Variants in ANO1 observed in about 807,000 individuals in gnomAD.
ANO1 encodes the protein anoctamin-1.
Under a neutral mutation model 124.0 loss-of-function variants are expected in ANO1, and 59 were observed. The ratio of observed to expected loss-of-function variants is 0.48; its 90% CI spans 0.39 to 0.59. The LOEUF (loss-of-function observed/expected upper bound fraction) is 0.59, where lower values mean the gene tolerates loss of function less well. Ranked by LOEUF, ANO1 falls within the 20% of genes least tolerant of loss-of-function variation. The pLI, the probability that ANO1 is intolerant of heterozygous loss-of-function variation, is 0.00. For missense variants in ANO1, 1,059 were observed against 1,328.0 expected, an observed-to-expected ratio of 0.80 and a Z score of 3.15; for synonymous variants, 529 against 532.0, an observed-to-expected ratio of 0.99 and a Z score of 0.08.
chr11:69,970,189 T>C, the ANO1 span, among the ~76,000 whole-genome samples: 1 of 152,030 alleles, frequency 6.6e-6, no homozygotes, highest in Non-Finnish European at 1.5e-5. Context: ...TGGGGGAAGT[T>C]CTTTCTCCCG....
At position 70,132,054 on chromosome 11, in the gene ANO1, C is replaced by A. The variant is rs368395054; in HGVS notation, c.1233C>A (p.Phe411Leu). ...TCTTCGACAACCCCGCCACGGTCTT[C>A]TTCTCTGTCTTCATGGCCCTCTGGG... ...SHLFDNPATV[F>L]FSVFMALWAA... is the part of the protein sequence containing the mutation. The change falls in exon 11 of 26, where the codon TTC becomes TTA. Residue 411 changes from phenylalanine to leucine, a missense_variant. Physicochemically the swap from Phe to Leu is conservative, Grantham distance 22. Transcript: ENST00000355303. 1.2e-5 allele frequency: 19 copies of A among 1,599,414 alleles called. No individual in the cohort carries two copies. Among genetic ancestry groups the A allele is most frequent in the Admixed American group, 5.1e-5 (3 of 59,206 alleles).
At chr11:70,133,329 A>C (rs1272051920) in intron 11 of ANO1, among the ~76,000 whole-genome samples, 3 of 152,194 alleles carry the variant, frequency 2.0e-5, no homozygotes, top group African/African-American at 7.2e-5. Context: ...ATTGGCTGGC[A>C]TTGCCAAAGC....
At chr11:69,998,368 C>G (rs1591024361) in intron 1 of ANO1, among the ~76,000 whole-genome samples, 1 of 151,932 alleles carries the variant, frequency 6.6e-6, no homozygotes, top group Admixed American at 6.6e-5. Flanking sequence ...TATTCTAGCT[C>G]TTCCTATAAA....
intron 11 of ANO1, among the ~76,000 whole-genome samples, chr11:70,138,480 T>C (rs1417251557): frequency 2.1e-5 from 3 of 144,592 alleles, no homozygotes; most frequent in Non-Finnish European, 4.5e-5. Context: ...CACTCCAGCC[T>C]GGGCAAAAAG....
chr11:70,161,428 G>C, intron 17 of ANO1, 66 bp downstream of exon 17: 1 of 1,551,326 alleles, frequency 6.4e-7, no homozygotes, highest in South Asian at 1.1e-5. Context: ...GCCTCTTGCT[G>C]TGCATCCTTG....
At chr11:70,153,749 CTTTG>C (rs894308589) in intron 14 of ANO1, among the ~76,000 whole-genome samples, 4 of 152,012 alleles carry the variant, frequency 2.6e-5, no homozygotes, top group Admixed American at 1.3e-4. Context: ...TGCTTGCCGG[CTTTG>C]TTTGTTTGTA....
At chr11:70,149,339 AC>A (rs2047505718) in intron 11 of ANO1, among the ~76,000 whole-genome samples, 2 of 152,174 alleles carry the variant, frequency 1.3e-5, no homozygotes, top group African/African-American at 4.8e-5. Context: ...ACCCTCTCTC[AC>A]CAAACACTGA....
At chr11:70,110,839 C>G (rs1429864751) in intron 6 of ANO1, among the ~76,000 whole-genome samples, 2 of 152,242 alleles carry the variant, frequency 1.3e-5, no homozygotes, top group Admixed American at 1.3e-4. Context: ...TCCAGGAAAC[C>G]CTTCCCCACA....
chr11:70,155,111 G>A (rs1194007335), intron 14 of ANO1, among the ~76,000 whole-genome samples: 1 of 152,228 alleles, frequency 6.6e-6, no homozygotes, highest in Non-Finnish European at 1.5e-5. Context: ...TTGTGTGGTC[G>A]CACCTCTTGC....
At chr11:70,037,832 A>G (rs561302633) in intron 1 of ANO1, among the ~76,000 whole-genome samples, 56 of 152,170 alleles carry the variant, frequency 3.7e-4, no homozygotes, top group Non-Finnish European at 7.1e-4. Context: ...GGATGAGCAC[A>G]ATTACTGCCA....
intron 24 of ANO1, among the ~76,000 whole-genome samples, chr11:70,185,239 C>A (rs550391349): frequency 6.6e-6 from 1 of 152,352 alleles, no homozygotes; most frequent in African/African-American, 2.4e-5. Context: ...CTTTTGGGAA[C>A]AAAGGCTCCA....
chr11:70,152,064 C>T (rs1366831938), intron 12 of ANO1, among the ~76,000 whole-genome samples: 2 of 152,082 alleles, frequency 1.3e-5, no homozygotes, highest in Non-Finnish European at 2.9e-5. Context: ...GGACCGGGCG[C>T]GGTGGCTCAC....
intron 1 of ANO1, among the ~76,000 whole-genome samples, chr11:70,007,497 C>T (rs1413267234): frequency 4.6e-5 from 7 of 152,092 alleles, no homozygotes; most frequent in South Asian, 2.1e-4. Flanking sequence ...AGGATGGTCT[C>T]GATCTCCTGA....
intron 24 of ANO1, 51 bp from the exon 25 acceptor site, chr11:70,185,539 G>A: frequency 1.9e-6 from 3 of 1,558,162 alleles, no homozygotes; most frequent in Non-Finnish European, 1.8e-6. Context: ...TCCAGCCAGA[G>A]CCTGAGCCCC....
chr11:70,082,747 G>T (rs142917029), intron 1 of ANO1, among the ~76,000 whole-genome samples: 1 of 151,862 alleles, frequency 6.6e-6, no homozygotes, highest in South Asian at 2.1e-4. Context: ...TTTTTGTCCC[G>T]TTCTACACAA....
intron 2 of ANO1, among the ~76,000 whole-genome samples, chr11:70,095,309 A>AAGGAAGG (rs1396550985): frequency 1.3e-4 from 17 of 130,802 alleles, no homozygotes; most frequent in East Asian, 4.6e-4. Flanking sequence ...GGAAAGAAAG[A>AAGGAAGG]AAGAAAGAAA....
At chr11:70,178,970 G>A (rs1316877779) in intron 22 of ANO1, among the ~76,000 whole-genome samples, 1 of 152,264 alleles carries the variant, frequency 6.6e-6, no homozygotes, top group Non-Finnish European at 1.5e-5. Context: ...GGTTTCATCT[G>A]AGCCTGTGGT....
chr11:69,973,054 C>T, the ANO1 span, among the ~76,000 whole-genome samples: 29 of 152,028 alleles, frequency 1.9e-4, no homozygotes, highest in Non-Finnish European at 1.2e-4. Flanking sequence ...GAATTACAGG[C>T]GTGTGCCACC....
rs1041868845 is a variant in ANO1 at position 70,103,896 on chromosome 11, C to T, written c.541-103C>T. 103 of 1,319,098 alleles carry T rather than the reference C, an allele frequency of 7.8e-5. 2 individuals are homozygous for T. The South Asian group carries it at 1.0e-3, about 13-fold the overall frequency. 81.7% of individuals were successfully genotyped at this position (1,319,098 alleles called of 1,614,324 possible). A position where few individuals can be genotyped will look rare whatever the true frequency, so the allele number is the denominator to read the frequency against. ...CAGGTGCTCTGCTCTCAGGACGCCC[C>T]GTTGCATGGGGTGGGATGGTTCTCT... On this transcript the variant is annotated intron_variant, in intron 3 of 25. Coordinates refer to ENST00000355303, the MANE Select transcript of ANO1 (RefSeq NM_018043.7).
Sources: gnomAD v4.1 joint callset for allele counts (sites outside exome capture counted in the v4.1 genomes callset) on GRCh38, gnomAD v4.1.1 for gene constraint, MANE v1.5 for transcripts, NCBI Gene and HGNC (gene_info 2026-07-23, HGNC 2026-07-21) for gene names.